Variants in GAB1 observed in about 807,000 individuals in gnomAD.
The protein encoded by GAB1 is GRB2 associated binding protein 1, also known as GRB2-associated-binding protein 1.
Under a neutral mutation model 66.5 loss-of-function variants are expected in GAB1, and 19 were observed. That is an observed-to-expected ratio of 0.29 (90% CI 0.20 to 0.42). The LOEUF (loss-of-function observed/expected upper bound fraction) is 0.42, where lower values mean the gene tolerates loss of function less well. Ranked by LOEUF, GAB1 falls within the 10% of genes least tolerant of loss-of-function variation. The probability of loss-of-function intolerance (pLI) is 1.00; values close to 1 mark genes in which losing one functional copy is unlikely to be tolerated. For synonymous variants in GAB1, 294 were observed against 301.4 expected, an observed-to-expected ratio of 0.98 and a Z score of 0.25; for missense variants, 732 against 858.5, an observed-to-expected ratio of 0.85 and a Z score of 1.84.
rs751102165 is a variant in GAB1, at chr4:143,466,158, A to G, written c.1859A>G (p.Lys620Arg). 4 of 1,613,842 alleles carry G rather than the reference A, an allele frequency of 2.5e-6. No individual in the cohort carries two copies. The South Asian group carries it at 3.3e-5, about 13-fold the overall frequency. The change falls in exon 9 of 10, where the codon AAA becomes AGA. Residue 620 changes from lysine (K) to arginine (R), a missense_variant. Physicochemically the swap from Lys to Arg is conservative, Grantham distance 26. Around this residue, in one of 4 missense-constraint regions of GAB1, gnomAD observed 204 missense variants for 276.8 expected, o/e 0.74. Transcript: ENST00000262994. ...GGAAGCAGCCCTATGATCAAGCCCA[A>G]AGGAGACAAACAGGTGGAATACTTA... ...DGGSSPMIKP[K>R]GDKQVEYLDL...
At chr4:143,404,870 T>G (rs565678141) in intron 1 of GAB1, among the ~76,000 whole-genome samples, 6 of 152,200 alleles carry the variant, frequency 3.9e-5, no homozygotes, top group African/African-American at 1.4e-4. Context: ...TTTCAAGTTT[T>G]GTAGTCACAT....
At chr4:143,413,591 G>T (rs911319477) in intron 1 of GAB1, among the ~76,000 whole-genome samples, 2 of 151,750 alleles carry the variant, frequency 1.3e-5, no homozygotes, top group African/African-American at 4.9e-5. Context: ...TTCTGTAGAG[G>T]AATGCTTGTT....
At chr4:143,434,432 G>A (rs572109397) in intron 3 of GAB1, among the ~76,000 whole-genome samples, 23 of 143,546 alleles carry the variant, frequency 1.6e-4, no homozygotes, top group African/African-American at 6.0e-4. Flanking sequence ...ATAGCTCACT[G>A]TAACCCCAAA....
At chr4:143,424,873 T>G (rs1247754056) in intron 2 of GAB1, 1 of 453,406 alleles carries the variant, frequency 2.2e-6, no homozygotes, top group Non-Finnish European at 4.0e-6. Flanking sequence ...GAGAATCACT[T>G]GAACCAGGGA....
intron 6 of GAB1, among the ~76,000 whole-genome samples, chr4:143,450,890 CA>C (rs66519270): frequency 0.42 from 58,280 of 138,594 alleles, 13,346 homozygotes; most frequent in African/African-American, 0.66. Flanking sequence ...GACTGCATCT[CA>C]AAAAAAAAAA....
intron 1 of GAB1, among the ~76,000 whole-genome samples, chr4:143,351,328 T>C (rs1729208650): frequency 6.6e-6 from 1 of 152,180 alleles, no homozygotes; most frequent in Non-Finnish European, 1.5e-5. Context: ...GGTTTTCCCC[T>C]GGAGTCCGGC....
chr4:143,372,076 G>A (rs1730146263), intron 1 of GAB1, among the ~76,000 whole-genome samples: 1 of 151,964 alleles, frequency 6.6e-6, no homozygotes, highest in Non-Finnish European at 1.5e-5. Flanking sequence ...TGTAATCCTG[G>A]CACTTTTGGA....
chr4:143,439,881 C>A lies in GAB1; in HGVS notation c.1275C>A (p.Asn425Lys). ...CTAGTTCACTTGAAGGCTTCCATAA[C>A]CACTTTGTAAGTATAATTGACCTTG... ...DRSSSLEGFH[N>K]HFKVKNVLTV... The change falls in exon 5 of 10, where the codon AAC (asparagine) becomes AAA (lysine). Residue 425 changes from asparagine (N) to lysine (K), a missense_variant. This residue lies in a region of GAB1 where 427 missense variants were observed against 420.6 expected (regional missense o/e 1.02). Coordinates refer to ENST00000262994, the MANE Select transcript of GAB1 (RefSeq NM_002039.4). The A allele has an allele frequency of 6.2e-7, 1 of 1,608,394 alleles. No homozygotes were observed. Among genetic ancestry groups the A allele is most frequent in the Non-Finnish European group, 8.5e-7 (1 of 1,174,968 alleles).
intron 1 of GAB1, among the ~76,000 whole-genome samples, chr4:143,409,786 G>T (rs1250632835): frequency 3.3e-5 from 5 of 152,220 alleles, no homozygotes; most frequent in Non-Finnish European, 7.3e-5. Context: ...TAGGAAGATA[G>T]AGACAGCATT....
chr4:143,458,552 T>C (rs1021160987), intron 6 of GAB1, among the ~76,000 whole-genome samples: 4 of 152,036 alleles, frequency 2.6e-5, no homozygotes, highest in African/African-American at 9.7e-5. Context: ...TAAATAGTAT[T>C]GTTTCAGTTC....
intron 2 of GAB1, chr4:143,425,631 G>T: frequency 6.6e-6 from 5 of 761,680 alleles, no homozygotes; most frequent in East Asian, 4.9e-5. Context: ...TCCATGGGAG[G>T]TCATGCCTGA....
Position 143,472,958 on chromosome 4 carries a change from T to C in GAB1, c.*3769T>C, listed in dbSNP as rs984739124. 6.6e-6 allele frequency: 1 copy of C among 152,198 alleles called. No homozygotes were observed. Among genetic ancestry groups the C allele is most frequent in the Non-Finnish European group, 1.5e-5 (1 of 68,034 alleles). The allele number at this position is 152,198 out of a possible 1,614,324, so 9.4% of individuals were successfully genotyped here. A position where few individuals can be genotyped will look rare whatever the true frequency, so the allele number is the denominator to read the frequency against. ...ATGGACTTGATATGATAGAAATCAA[T>C]TGTCAGCTTGAGAAAGTTGTTTTTA... On this transcript the variant is annotated 3_prime_UTR_variant, in exon 10 of 10. Transcript: ENST00000262994.
chr4:143,419,626 A>G (rs1041688646), intron 2 of GAB1, among the ~76,000 whole-genome samples: 4 of 152,168 alleles, frequency 2.6e-5, no homozygotes, highest in African/African-American at 9.6e-5. Context: ...GTGTTCATTA[A>G]TAGATAAAAC....
chr4:143,461,025 TAAC>T (rs1373485483), intron 8 of GAB1, among the ~76,000 whole-genome samples: 1 of 152,194 alleles, frequency 6.6e-6, no homozygotes, highest in Non-Finnish European at 1.5e-5. Flanking sequence ...CTTATAAACA[TAAC>T]ATGTTTGAGG....
intron 6 of GAB1, among the ~76,000 whole-genome samples, chr4:143,447,742 A>G (rs921070304): frequency 6.6e-6 from 1 of 152,142 alleles, no homozygotes; most frequent in Non-Finnish European, 1.5e-5. Context: ...AACAGGGACA[A>G]TTTGACTTCC....
chr4:143,366,229 A>G (rs1729876609), intron 1 of GAB1, among the ~76,000 whole-genome samples: 1 of 152,206 alleles, frequency 6.6e-6, no homozygotes, highest in Admixed American at 6.5e-5. Context: ...TCCTTGTTGT[A>G]TGTGGTTCTG....
intron 6 of GAB1, among the ~76,000 whole-genome samples, chr4:143,450,252 C>A (rs750553727): frequency 6.6e-5 from 10 of 152,018 alleles, no homozygotes; most frequent in Non-Finnish European, 1.0e-4. Flanking sequence ...AGTTTTCTGC[C>A]TTCATTACTT....
rs969516007 is a variant in GAB1 at position 143,472,896 on chromosome 4, A to G, written c.*3707A>G. ...TATATATAATTTTAAAAACTGAACT[A>G]TGAGAAGCCATGGTATAAATGAATA... is the stretch of plus-strand genomic sequence containing the variant. On this transcript the variant is annotated 3_prime_UTR_variant, in exon 10 of 10. Transcript: ENST00000262994. The G allele has an allele frequency of 7.9e-5, 12 of 152,222 alleles. No individual in the cohort carries two copies. Among genetic ancestry groups the G allele is most frequent in the Admixed American group, 7.9e-4 (12 of 15,280 alleles). 9.4% of individuals were successfully genotyped at this position (152,222 alleles called of 1,614,324 possible). A position where few individuals can be genotyped will look rare whatever the true frequency, so the allele number is the denominator to read the frequency against.
At chr4:143,374,609 G>A (rs2149670607) in intron 1 of GAB1, among the ~76,000 whole-genome samples, 1 of 152,312 alleles carries the variant, frequency 6.6e-6, no homozygotes, top group East Asian at 1.9e-4. Flanking sequence ...AGTAGTCATA[G>A]TTAGGTTTAC....
Sources: allele counts gnomAD v4.1 joint callset (sites outside exome capture counted in the v4.1 genomes callset), GRCh38; gene constraint gnomAD v4.1.1; regional missense constraint gnomAD v4.1.1; transcripts MANE v1.5; gene names NCBI Gene and HGNC (gene_info 2026-07-23, HGNC 2026-07-21).